Variants in ZBTB17 observed in about 807,000 individuals in gnomAD.
ZBTB17 encodes zinc finger and BTB domain containing 17, also known as zinc finger and BTB domain-containing protein 17.
Under a neutral mutation model 85.1 loss-of-function variants are expected in ZBTB17, and 24 were observed. That is an observed-to-expected ratio of 0.28 (90% CI 0.20 to 0.40). ZBTB17 has a LOEUF of 0.40. Ranked by LOEUF, ZBTB17 falls within the 10% of genes least tolerant of loss-of-function variation. ZBTB17 has a pLI of 1.00. For missense variants in ZBTB17, 743 were observed against 1,105.1 expected, an observed-to-expected ratio of 0.67 and a Z score of 4.65; for synonymous variants, 464 against 460.2, an observed-to-expected ratio of 1.01 and a Z score of -0.11.
Position 15,941,900 on chromosome 1 carries a change from G to C in ZBTB17, c.*69C>G. Reference sequence around the variant, plus strand: ...AATAATCCAATTTATTCTCTCTAGGGAACAGGCCACCCTTCCCGGTTCCAG... The same window carrying C: ...AATAATCCAATTTATTCTCTCTAGGCAACAGGCCACCCTTCCCGGTTCCAG... On this transcript the variant is annotated 3_prime_UTR_variant, in exon 16 of 16. Coordinates refer to ENST00000375743, the MANE Select transcript of ZBTB17 (RefSeq NM_003443.3). The C allele has an allele frequency of 6.5e-7, 1 of 1,532,682 alleles. No individual in the cohort carries two copies. The highest frequency in any genetic ancestry group is 8.8e-7 in the Non-Finnish European group (1 of 1,141,522). The allele number at this position is 1,532,682 out of a possible 1,614,324, so 94.9% of individuals were successfully genotyped here.
chr1:15,945,902 C>G (rs982547268), intron 5 of ZBTB17, 62 bp from the exon 6 acceptor site: 13 of 1,565,726 alleles, frequency 8.3e-6, no homozygotes, highest in Non-Finnish European at 1.1e-5. Context: ...GGATACCTCT[C>G]CTGGACCAGC....
intron 2 of ZBTB17, among the ~76,000 whole-genome samples, chr1:15,967,715 G>A (rs1459751298): frequency 6.6e-6 from 1 of 152,108 alleles, no homozygotes; most frequent in Non-Finnish European, 1.5e-5. Context: ...CCAGGGACTC[G>A]ACTAAGCACT....
rs1202304172 is a variant in ZBTB17, at chr1:15,953,861, C to CAT, written c.-2-5366_-2-5365dup. On this transcript the variant is annotated intron_variant, in intron 2 of 15. Coordinates refer to ENST00000375743, the MANE Select transcript of ZBTB17 (RefSeq NM_003443.3). The surrounding 1 kb of genome is among the most constrained non-coding windows in gnomAD (Gnocchi z 5.1). ...GGTCAAGACCCTGTACAGAGCCTGG[C>CAT]ATATCGTGAGCATGCAACAAACTAC... Among the ~76,000 whole-genome samples, 1 of 152,218 alleles carries CAT rather than the reference C, an allele frequency of 6.6e-6. No homozygotes were observed. Among genetic ancestry groups the CAT allele is most frequent in the African/African-American group, 2.4e-5 (1 of 41,454 alleles).
chr1:15,945,770 C>T lies in ZBTB17; in HGVS notation c.606G>A (p.Thr202=), dbSNP rs748380526. 3.1e-5 allele frequency: 49 copies of T among 1,606,432 alleles called. 1 individual carries two copies. The South Asian group carries it at 4.2e-4, about 14-fold the overall frequency. Residue 202 remains threonine, a synonymous_variant, in exon 6 of 16, where the codon ACG becomes ACA. Transcript: ENST00000375743. ...PPPVELKPDP[T]SGMAAAEAEA... ...CAGCTTCTGCAGCAGCCATGCCACT[C>T]GTGGGGTCTGGCTTGAGCTCCACAG...
In ZBTB17 at chr1:15,948,462, C is replaced by T. The variant is rs1298683277; in HGVS notation, c.34G>A (p.Glu12Lys). ...AGCTGCCGCTGCTGGTTCAGCTGTT[C>T]CAAGACATGCTGGCTGTGCTGGGGA... ...DFPQHSQHVL[E>K]QLNQQRQLGL... Residue 12 changes from glutamate to lysine, a missense_variant, in exon 3 of 16, where the codon GAA becomes AAA. Glu to Lys is a moderately conservative substitution (Grantham distance 56). Around this residue, in one of 4 missense-constraint regions of ZBTB17, gnomAD observed 74 missense variants for 142.6 expected, o/e 0.52. Transcript: ENST00000375743. The T allele has an allele frequency of 6.2e-7, 1 of 1,614,016 alleles. No homozygotes were observed.
intron 2 of ZBTB17, among the ~76,000 whole-genome samples, chr1:15,950,775 G>A (rs757115358): frequency 1.1e-4 from 16 of 152,170 alleles, no homozygotes; most frequent in East Asian, 3.9e-4. Flanking sequence ...CTGACTTGCC[G>A]GGAAGAGACA....
rs750740799 is a variant in ZBTB17, at chr1:15,944,998, G to A, written c.866C>T (p.Ser289Leu). ...CTCCGTGCGGTCGCCGTAGGTGCCT[G>A]AGCGCAGGCCCCGGGCCTCGGAGCC... Reference protein sequence around the residue: ...ELGSEARGLRSGTYGDRTESK... With the variant: ...ELGSEARGLRLGTYGDRTESK... The change falls in exon 7 of 16, where the codon TCA (serine) becomes TTA (leucine). Residue 289 changes from serine (S) to leucine (L), a missense_variant. Physicochemically the swap from Ser to Leu is moderately radical, Grantham distance 145. This residue lies in a region of ZBTB17 where 279 missense variants were observed against 269.9 expected (regional missense o/e 1.03). Coordinates refer to ENST00000375743, the MANE Select transcript of ZBTB17 (RefSeq NM_003443.3). 1.2e-5 allele frequency: 19 copies of A among 1,592,166 alleles called. No individual in the cohort carries two copies. The highest frequency in any genetic ancestry group is 1.6e-5 in the Non-Finnish European group (19 of 1,171,828).
At chr1:15,944,094 C>T in intron 9 of ZBTB17, 199 bp from the exon 10 acceptor site, 1 of 1,012,040 alleles carries the variant, frequency 9.9e-7, no homozygotes, top group Non-Finnish European at 1.5e-6. Flanking sequence ...CAGGACCAAA[C>T]CCCGCCCTGA....
chr1:15,956,503 C>T (rs968335602), intron 2 of ZBTB17, among the ~76,000 whole-genome samples: 4 of 152,116 alleles, frequency 2.6e-5, no homozygotes, highest in African/African-American at 9.7e-5. Flanking sequence ...AGAAAAAAGC[C>T]ACTATGAAAA....
chr1:15,942,019 G>C lies in ZBTB17; in HGVS notation c.2362C>G (p.Leu788Val). 1 of 1,607,870 alleles carries C rather than the reference G, an allele frequency of 6.2e-7. No homozygotes were observed. Among genetic ancestry groups the C allele is most frequent in the Non-Finnish European group, 8.5e-7 (1 of 1,179,630 alleles). The change falls in exon 16 of 16, where the codon CTG (leucine) becomes GTG (valine). Residue 788 changes from leucine (L) to valine (V), a missense_variant. Leu to Val is a conservative substitution (Grantham distance 32, BLOSUM62 1). Transcript: ENST00000375743. ...PRDGAEGQPA[L>V]AETSPTAPEC... ...GGAGCTGTAGGGGAGGTCTCTGCCA[G>C]TGCGGGCTGGCCCTCAGCCCCGTCG...
At chr1:15,942,498 G>T (rs1238262739) in intron 14 of ZBTB17, 31 bp downstream of exon 14, 2 of 1,610,132 alleles carry the variant, frequency 1.2e-6, no homozygotes, top group Non-Finnish European at 8.5e-7. Flanking sequence ...CAAGCTGCCT[G>T]TGACTTCCCT....
chr1:15,969,395 C>T (rs1031659275), intron 2 of ZBTB17, among the ~76,000 whole-genome samples: 5 of 152,060 alleles, frequency 3.3e-5, no homozygotes, highest in Admixed American at 6.5e-5. Context: ...TCCCACCCCC[C>T]ACCCCTCAGC....
In ZBTB17 at chr1:15,973,342, C is replaced by T. The variant is rs1047614863; in HGVS notation, c.-89-217G>A. ...TGCACAGACTCAGCCTCAGGCCCTG[C>T]TCTCAAGAACTCCAGCTCAATAAGA... On this transcript the variant is annotated intron_variant, in intron 1 of 15. Transcript: ENST00000375743. The surrounding 1 kb of genome is among the most constrained non-coding windows in gnomAD (Gnocchi z 4.1). 1.3e-5 allele frequency among the ~76,000 whole-genome samples: 2 copies of T among 152,182 alleles called. No individual in the cohort carries two copies. Among genetic ancestry groups the T allele is most frequent in the African/African-American group, 4.8e-5 (2 of 41,444 alleles).
intron 2 of ZBTB17, among the ~76,000 whole-genome samples, chr1:15,968,713 G>C (rs1362138277): frequency 6.6e-6 from 1 of 152,168 alleles, no homozygotes; most frequent in Non-Finnish European, 1.5e-5. Flanking sequence ...AAGCTTGGGG[G>C]AACTCTCCCA....
rs574402674 is a variant in ZBTB17, at chr1:15,966,261, G to A, written c.-3+6778C>T. ...CATGGGGCAGGCTGGCGAAATTCGA[G>A]TGGAGCCTGCCACTCGGGACAGGAA... On this transcript the variant is annotated intron_variant, in intron 2 of 15. Transcript: ENST00000375743. The surrounding 1 kb of genome is among the most constrained non-coding windows in gnomAD (Gnocchi z 4.1). 2.0e-5 allele frequency among the ~76,000 whole-genome samples: 3 copies of A among 152,274 alleles called. No individual in the cohort carries two copies. In the East Asian group the frequency reaches 5.8e-4, roughly 29 times the overall value.
chr1:15,948,135 G>A, intron 3 of ZBTB17, 156 bp downstream of exon 3: 3 of 850,726 alleles, frequency 3.5e-6, no homozygotes, highest in South Asian at 1.5e-5. Flanking sequence ...AAGGTGGGAG[G>A]AACTTAGTAC....
intron 1 of ZBTB17, 134 bp downstream of exon 1, chr1:15,975,849 C>G: frequency 1.7e-6 from 1 of 597,238 alleles, no homozygotes; most frequent in Non-Finnish European, 3.0e-6. Flanking sequence ...CCCCTCAGCC[C>G]CGGTTGGCGT....
chr1:15,945,263 G>T, intron 6 of ZBTB17, 61 bp from the exon 7 acceptor site: 7 of 1,529,548 alleles, frequency 4.6e-6, no homozygotes, highest in Non-Finnish European at 5.3e-6. Context: ...CACGTGAGGG[G>T]CGCCGGCAAC....
chr1:15,957,584 G>A (rs560975034), intron 2 of ZBTB17, among the ~76,000 whole-genome samples: 3 of 152,238 alleles, frequency 2.0e-5, no homozygotes, highest in African/African-American at 7.2e-5. Flanking sequence ...ACAGAAAAGA[G>A]CAGAAGAGTG....
Sources: gnomAD v4.1 joint callset for allele counts (sites outside exome capture counted in the v4.1 genomes callset) on GRCh38, gnomAD v4.1.1 for gene constraint, gnomAD v4.1.1 regional missense constraint, Gnocchi (gnomAD v3.1) non-coding constraint, MANE v1.5 for transcripts, NCBI Gene and HGNC (gene_info 2026-07-23, HGNC 2026-07-21) for gene names.